The following LSAMP variants were observed in gnomAD, a reference collection of about 807,000 sequenced individuals.
LSAMP encodes the protein limbic system associated membrane protein.
Under a neutral mutation model 38.6 loss-of-function variants are expected in LSAMP, and 7 were observed. The ratio of observed to expected loss-of-function variants is 0.18; its 90% CI spans 0.10 to 0.34. The LOEUF is 0.34. Ranked by LOEUF, LSAMP falls within the 10% of genes least tolerant of loss-of-function variation. LSAMP has a pLI of 1.00. For synonymous variants in LSAMP, 154 were observed against 166.8 expected (o/e 0.92, Z 0.59); for missense variants, 313 against 420.0 (o/e 0.75, Z 2.23).
chr3:115,957,653 T>A (rs1192315236), intron 3 of LSAMP, among the ~76,000 whole-genome samples: 1 of 152,238 alleles, frequency 6.6e-6, no homozygotes, highest in East Asian at 1.9e-4. Flanking sequence ...CAGCCTCAAA[T>A]GCCCGCATGG....
chr3:116,391,370 C>A (rs561952801), intron 1 of LSAMP, among the ~76,000 whole-genome samples: 115 of 152,268 alleles, frequency 7.6e-4, no homozygotes, highest in African/African-American at 2.7e-3. Flanking sequence ...AGGACCCACT[C>A]GCAGGCCAGG....
intron 3 of LSAMP, among the ~76,000 whole-genome samples, chr3:115,876,660 C>A (rs1936188057): frequency 1.3e-5 from 2 of 152,082 alleles, no homozygotes; most frequent in Non-Finnish European, 2.9e-5. Context: ...AAGATCTCCT[C>A]ATCCAGCGCT....
intron 3 of LSAMP, among the ~76,000 whole-genome samples, chr3:115,928,892 A>G (rs920415271): frequency 6.6e-6 from 1 of 151,432 alleles, no homozygotes; most frequent in Non-Finnish European, 1.5e-5. Flanking sequence ...AGGGAAGAAG[A>G]CCAGTTTCAT....
intron 1 of LSAMP, among the ~76,000 whole-genome samples, chr3:116,269,364 TTTACAATCTGTCCTGC>T (rs1265148947): frequency 6.6e-6 from 1 of 151,874 alleles, no homozygotes; most frequent in East Asian, 1.9e-4. Context: ...CCTGTTCACA[TTTACAATCTGTCCTGC>T]TTATGAAAGC....
At chr3:116,008,475 GTC>G (rs1237429490) in intron 3 of LSAMP, among the ~76,000 whole-genome samples, 3 of 152,098 alleles carry the variant, frequency 2.0e-5, no homozygotes, top group Non-Finnish European at 4.4e-5. Flanking sequence ...ACATATTATT[GTC>G]TACATTTTGC....
At chr3:116,291,068 T>C (rs980977510) in intron 1 of LSAMP, among the ~76,000 whole-genome samples, 3 of 152,164 alleles carry the variant, frequency 2.0e-5, no homozygotes, top group Non-Finnish European at 4.4e-5. Context: ...AGTCAAATTA[T>C]CATGTTTATG....
chr3:116,404,939 G>C (rs1256384158), intron 1 of LSAMP, among the ~76,000 whole-genome samples: 1 of 151,880 alleles, frequency 6.6e-6, no homozygotes, highest in East Asian at 1.9e-4. Context: ...TGCACCTCAG[G>C]ACTTGAGATA....
chr3:115,905,420 C>T (rs571069338), intron 3 of LSAMP, among the ~76,000 whole-genome samples: 11 of 152,154 alleles, frequency 7.2e-5, no homozygotes, highest in African/African-American at 2.4e-4. Context: ...TACCTTCCTC[C>T]CTGCTGAGTT....
At chr3:116,336,914 G>C (rs2047926750) in intron 1 of LSAMP, among the ~76,000 whole-genome samples, 1 of 151,156 alleles carries the variant, frequency 6.6e-6, no homozygotes, top group Non-Finnish European at 1.5e-5. Context: ...AAAATGGATG[G>C]ATAAGTCTAA....
chr3:116,209,331 C>G (rs9990318), intron 1 of LSAMP, among the ~76,000 whole-genome samples: 92,251 of 152,112 alleles, frequency 0.61, 28,686 homozygotes, highest in East Asian at 0.76. Context: ...CCCAGTACCT[C>G]AGATGGAAAT....
chr3:116,136,945 G>A (rs987385618), intron 1 of LSAMP, among the ~76,000 whole-genome samples: 1 of 152,010 alleles, frequency 6.6e-6, no homozygotes, highest in African/African-American at 2.4e-5. Context: ...TAAAACAAGA[G>A]AAATTTGTTT....
chr3:116,125,219 T>C (rs1421244279), intron 1 of LSAMP, among the ~76,000 whole-genome samples: 1 of 152,162 alleles, frequency 6.6e-6, no homozygotes, highest in Non-Finnish European at 1.5e-5. Context: ...ATAATGAAGT[T>C]TTAACAAGAA....
At chr3:116,113,682 C>T (rs1369492154) in intron 1 of LSAMP, among the ~76,000 whole-genome samples, 3 of 151,916 alleles carry the variant, frequency 2.0e-5, no homozygotes, top group Admixed American at 6.6e-5. Flanking sequence ...GCCTCGGCCT[C>T]CCAAAGTGCT....
At chr3:116,044,790 C>T (rs28735793) in intron 2 of LSAMP, among the ~76,000 whole-genome samples, 34,184 of 151,972 alleles carry the variant, frequency 0.22, 4,927 homozygotes, top group African/African-American at 0.41. Context: ...TGAACAAAAC[C>T]TGTGTTTGTA....
In LSAMP at chr3:116,436,415, C is replaced by T. The variant is rs530829305; in HGVS notation, c.155+8462G>A. 2.8e-4 allele frequency among the ~76,000 whole-genome samples: 42 copies of T among 152,232 alleles called. 1 individual carries two copies. The highest frequency in any genetic ancestry group is 1.0e-3 in the African/African-American group (42 of 41,554). On this transcript the variant is annotated intron_variant, in intron 1 of 6. Transcript: ENST00000490035. Reference sequence around the variant, plus strand: ...CAGTCAGCAGAGCAAACAGACAACCCACAGACTGGGAGAAAATCTTCACAA... The same window carrying T: ...CAGTCAGCAGAGCAAACAGACAACCTACAGACTGGGAGAAAATCTTCACAA...
intron 1 of LSAMP, among the ~76,000 whole-genome samples, chr3:116,214,748 C>T (rs907826350): frequency 6.6e-6 from 1 of 152,056 alleles, no homozygotes. Context: ...AGTGATCTGC[C>T]TGCCTCAGCC....
intron 1 of LSAMP, among the ~76,000 whole-genome samples, chr3:116,243,139 ATT>A (rs386664880): frequency 1.6e-3 from 240 of 152,248 alleles, no homozygotes; most frequent in African/African-American, 5.4e-3. Flanking sequence ...CCAGGGGCAA[ATT>A]CAGAGCAATG....
chr3:115,824,546 C>T (rs778289192), intron 6 of LSAMP, among the ~76,000 whole-genome samples: 45 of 151,804 alleles, frequency 3.0e-4, no homozygotes, highest in Non-Finnish European at 5.6e-4. Flanking sequence ...ACTAAAGATA[C>T]AAAAAATTAG....
intron 1 of LSAMP, among the ~76,000 whole-genome samples, chr3:116,284,543 A>G (rs975327053): frequency 6.6e-6 from 1 of 152,214 alleles, no homozygotes; most frequent in Non-Finnish European, 1.5e-5. Context: ...GCTGTGGACC[A>G]TTTCTCAGAA....
Sources: gnomAD v4.1 joint callset for allele counts (sites outside exome capture counted in the v4.1 genomes callset) on GRCh38, gnomAD v4.1.1 for gene constraint, MANE v1.5 for transcripts, NCBI Gene and HGNC (gene_info 2026-07-23, HGNC 2026-07-21) for gene names.